Variants in POU2F3 observed in about 807,000 individuals in gnomAD.
POU2F3 encodes POU class 2 homeobox 3.
Under a neutral mutation model 59.2 loss-of-function variants are expected in POU2F3, and 23 were observed. The observed-to-expected ratio is 0.39, with a 90% CI of 0.28 to 0.55. The LOEUF (loss-of-function observed/expected upper bound fraction) is 0.55. Among genes scored for constraint, POU2F3 ranks in the 20% least tolerant of loss-of-function variants. POU2F3 has a pLI of 0.66. For missense variants in POU2F3, 473 were observed against 544.5 expected, an observed-to-expected ratio of 0.87 and a Z score of 1.31; for synonymous variants, 190 against 214.6, an observed-to-expected ratio of 0.89 and a Z score of 1.00.
chr11:120,246,612 C>T, intron 2 of POU2F3, 95 bp downstream of exon 2: 4 of 1,329,098 alleles, frequency 3.0e-6, no homozygotes, highest in African/African-American at 1.4e-5. Context: ...CTTGGTCTTT[C>T]AGCCAACCAG....
At chr11:120,257,041 G>A (rs1939371557) in intron 2 of POU2F3, 2 of 152,370 alleles carry the variant, frequency 1.3e-5, no homozygotes, top group Admixed American at 1.3e-4. Flanking sequence ...GTAGTTGTGA[G>A]GATTAAATAC....
intron 2 of POU2F3, among the ~76,000 whole-genome samples, chr11:120,255,356 G>A (rs991212915): frequency 2.0e-5 from 3 of 152,046 alleles, no homozygotes; most frequent in African/African-American, 2.4e-5. Flanking sequence ...ACGAAAAATC[G>A]AAGCCGGGGA....
chr11:120,292,754 CT>C (rs1409181129), intron 3 of POU2F3, among the ~76,000 whole-genome samples: 1 of 152,232 alleles, frequency 6.6e-6, no homozygotes, highest in Non-Finnish European at 1.5e-5. Context: ...CGCAGCAGTG[CT>C]TTGGTTAAAA....
chr11:120,279,824 G>A (rs948404), intron 3 of POU2F3, among the ~76,000 whole-genome samples: 38,120 of 152,116 alleles, frequency 0.25, 5,387 homozygotes, highest in African/African-American at 0.36. Context: ...GTACTTGCTG[G>A]TCTACCAGAC....
At chr11:120,259,937 C>T (rs1351911739) in intron 2 of POU2F3, among the ~76,000 whole-genome samples, 1 of 152,206 alleles carries the variant, frequency 6.6e-6, no homozygotes, top group Non-Finnish European at 1.5e-5. Context: ...TAAATGACCA[C>T]GCTGGAAGCT....
intron 9 of POU2F3, 151 bp downstream of exon 9, chr11:120,307,766 A>T (rs1941539214): frequency 1.9e-6 from 2 of 1,040,146 alleles, no homozygotes; most frequent in South Asian, 3.3e-5. Context: ...CCAGGCGCCC[A>T]GGTATTGGAG....
chr11:120,244,043 T>C (rs1331758574), intron 1 of POU2F3, among the ~76,000 whole-genome samples: 1 of 151,876 alleles, frequency 6.6e-6, no homozygotes, highest in Non-Finnish European at 1.5e-5. Context: ...GTTCTAGGCA[T>C]GCGATTACAG....
chr11:120,305,817 C>T, intron 8 of POU2F3, 32 bp downstream of exon 8: 1 of 1,610,606 alleles, frequency 6.2e-7, no homozygotes, highest in African/African-American at 1.3e-5. Context: ...GCCAGGGGCC[C>T]TAGAGGGCTC....
intron 2 of POU2F3, among the ~76,000 whole-genome samples, chr11:120,263,228 G>T (rs1373080955): frequency 2.6e-5 from 4 of 152,136 alleles, no homozygotes; most frequent in Non-Finnish European, 2.9e-5. Context: ...CTGACCTTGT[G>T]ATCTGCCCAC....
upstream of POU2F3, among the ~76,000 whole-genome samples, chr11:120,237,925 G>C (rs1251444769): frequency 6.6e-6 from 1 of 152,128 alleles, no homozygotes; most frequent in Non-Finnish European, 1.5e-5. Context: ...GCCCTTGCTG[G>C]TCTCTTTCCT....
chr11:120,256,074 G>A (rs1395966556), intron 2 of POU2F3: 1 of 152,144 alleles, frequency 6.6e-6, no homozygotes, highest in Non-Finnish European at 1.5e-5. Flanking sequence ...GAATCTGAGG[G>A]TCTCTAAAAC....
intron 7 of POU2F3, 173 bp downstream of exon 7, chr11:120,305,385 C>A: frequency 1.1e-6 from 1 of 914,134 alleles, no homozygotes; most frequent in Non-Finnish European, 1.6e-6. Flanking sequence ...AAACTGAGGA[C>A]GTTGCTGGTG....
intron 2 of POU2F3, among the ~76,000 whole-genome samples, chr11:120,247,960 T>C (rs940654006): frequency 6.6e-6 from 1 of 152,194 alleles, no homozygotes; most frequent in Non-Finnish European, 1.5e-5. Flanking sequence ...TGGTGTTCTG[T>C]TACTAAGACC....
At chr11:120,243,756 C>G (rs1351154933) in intron 1 of POU2F3, among the ~76,000 whole-genome samples, 2 of 152,190 alleles carry the variant, frequency 1.3e-5, no homozygotes, top group African/African-American at 4.8e-5. Context: ...GGAACAGGTT[C>G]TCAGTGTCTT....
At chr11:120,246,538 G>T in intron 2 of POU2F3, 21 bp downstream of exon 2, 1 of 1,609,954 alleles carries the variant, frequency 6.2e-7, no homozygotes, top group Non-Finnish European at 8.5e-7. Flanking sequence ...TCTCTTCTCG[G>T]GGATGGAGGG....
intron 3 of POU2F3, among the ~76,000 whole-genome samples, chr11:120,294,984 G>A (rs1419341161): frequency 6.6e-6 from 1 of 152,168 alleles, no homozygotes; most frequent in African/African-American, 2.4e-5. Flanking sequence ...AGAGTAAAAA[G>A]TCGGTCAAAC....
rs1941533166 is a variant in POU2F3 at position 120,307,577 on chromosome 11, A to G, written c.868A>G (p.Thr290Ala). ...RKRKKRTSIE[T>A]NIRLTLEKRF... ...GAGAAAGAAACGGACCAGCATCGAGACCAACATCCGCCTGACTCTGGAGAA... is the reference window on the plus strand; with the variant it reads ...GAGAAAGAAACGGACCAGCATCGAGGCCAACATCCGCCTGACTCTGGAGAA... Residue 290 changes from threonine (T) to alanine (A), a missense_variant, in exon 9 of 13, where the codon ACC (threonine) becomes GCC (alanine). Thr to Ala is a moderately conservative substitution (Grantham distance 58, BLOSUM62 0). Transcript: ENST00000543440. 6.2e-7 allele frequency: 1 copy of G among 1,614,156 alleles called. No individual in the cohort carries two copies. Among genetic ancestry groups the G allele is most frequent in the African/African-American group, 1.3e-5 (1 of 75,052 alleles).
At chr11:120,298,443 G>C (rs1941252704) in intron 4 of POU2F3, 53 bp downstream of exon 4, 2 of 1,600,750 alleles carry the variant, frequency 1.2e-6, no homozygotes, top group African/African-American at 2.7e-5. Context: ...ATCCCTCTGT[G>C]AAATGCTCGA....
At chr11:120,301,270 A>G (rs907879578) in intron 5 of POU2F3, 7 of 313,526 alleles carry the variant, frequency 2.2e-5, no homozygotes, top group African/African-American at 1.5e-4. Flanking sequence ...TCATGAGATT[A>G]TTGAGAGTCA....
Sources: gnomAD v4.1 joint callset for allele counts (sites outside exome capture counted in the v4.1 genomes callset) on GRCh38, gnomAD v4.1.1 for gene constraint, MANE v1.5 for transcripts, NCBI Gene and HGNC (gene_info 2026-07-23, HGNC 2026-07-21) for gene names.